Variants in AATK observed in about 807,000 individuals in gnomAD.
AATK encodes lemur tail kinase 1.
In AATK, 91 loss-of-function variants were observed where a neutral mutation model predicts 114.3. The observed-to-expected ratio is 0.80, with a 90% CI of 0.67 to 0.95. The LOEUF (loss-of-function observed/expected upper bound fraction) is 0.95. Ranked by LOEUF, AATK falls within the 40% of genes least tolerant of loss-of-function variation. AATK has a pLI of 0.00. For missense variants in AATK, 2,176 were observed against 1,965.2 expected (o/e 1.11, Z -2.03); for synonymous variants, 1,075 against 916.5 (o/e 1.17, Z -3.12).
chr17:81,120,388 G>A lies in AATK; in HGVS notation c.3548C>T (p.Pro1183Leu). 6.2e-7 allele frequency: 1 copy of A among 1,607,408 alleles called. No homozygotes were observed. The highest frequency in any genetic ancestry group is 8.5e-7 in the Non-Finnish European group (1 of 1,177,444). ...EELRCYSVQE[P>L]SEDSEEEAPA... ...CGCCTCCTCTTCGCTGTCCTCGCTA[G>A]GCTCCTGGACGCTGTAGCAGCGGAG... is the stretch of plus-strand genomic sequence containing the variant. Residue 1183 changes from proline to leucine, a missense_variant, in exon 11 of 14, where the codon CCT (proline) becomes CTT (leucine). By Grantham distance (98) the Pro-to-Leu change is moderately conservative. Around this residue, in one of 4 missense-constraint regions of AATK, gnomAD observed 1,701 missense variants for 1,394.7 expected, o/e 1.22. Coordinates refer to ENST00000326724, the MANE Select transcript of AATK (RefSeq NM_001080395.3).
Position 81,126,215 on chromosome 17 carries a change from G to A in AATK, c.755+212C>T, listed in dbSNP as rs544593889. ...CCAGCTTGACAGTACGCATCTCTTCGTCTAAACCTGCAAAGTGGGTGTCAA... is the reference window on the plus strand; with the variant it reads ...CCAGCTTGACAGTACGCATCTCTTCATCTAAACCTGCAAAGTGGGTGTCAA... On this transcript the variant is annotated intron_variant, in intron 7 of 13. Transcript: ENST00000326724. The surrounding 1 kb of genome is among the most constrained non-coding windows in gnomAD (Gnocchi z 5.1). Among the ~76,000 whole-genome samples the A allele has an allele frequency of 1.8e-3, 268 of 152,280 alleles. 1 individual carries two copies. Among genetic ancestry groups the A allele is most frequent in the Non-Finnish European group, 3.0e-3 (204 of 68,014 alleles).
intron 1 of AATK, among the ~76,000 whole-genome samples, chr17:81,150,856 G>A (rs907585331): frequency 2.0e-5 from 3 of 152,184 alleles, no homozygotes; most frequent in African/African-American, 7.2e-5. Flanking sequence ...ACAGGATCCC[G>A]TGCAGGAAGG....
At position 81,122,262 on chromosome 17, in the gene AATK, C is replaced by G. The variant is rs761155830; in HGVS notation, c.1674G>C (p.Ala558=). The change falls in exon 11 of 14, where the codon GCG becomes GCC. Residue 558 remains alanine (A), a synonymous_variant. Coordinates refer to ENST00000326724, the MANE Select transcript of AATK (RefSeq NM_001080395.3). ...TGCCGTCAGAGTCGTCGTCCTGGTC[C>G]GCGGTGGCAGGTGGACTGGGGGCGC... ...AGCAPSPPAT[A]DQDDDSDGST... is the part of the protein sequence containing the mutation. 4.3e-5 allele frequency: 64 copies of G among 1,493,602 alleles called. No individual in the cohort carries two copies. Among genetic ancestry groups the G allele is most frequent in the Admixed American group, 2.3e-5 (1 of 43,478 alleles). 92.5% of individuals were successfully genotyped at this position (1,493,602 alleles called of 1,614,324 possible). A position where few individuals can be genotyped will look rare whatever the true frequency, so the allele number is the denominator to read the frequency against.
intron 6 of AATK, among the ~76,000 whole-genome samples, chr17:81,127,376 G>C (rs1488304368): frequency 6.6e-6 from 1 of 152,082 alleles, no homozygotes; most frequent in Non-Finnish European, 1.5e-5. Context: ...GCCCAGGCCT[G>C]TTCTGTGCCC....
At position 81,118,413 on chromosome 17, in the gene AATK, T is replaced by G. The variant is rs745397376; in HGVS notation, c.4114A>C (p.Lys1372Gln). The G allele has an allele frequency of 2.5e-6, 4 of 1,608,604 alleles. No homozygotes were observed. In the South Asian group the frequency reaches 3.3e-5, roughly 13 times the overall value. Residue 1372 changes from lysine to glutamine, a missense_variant, in exon 14 of 14, where the codon AAA becomes CAA. Coordinates refer to ENST00000326724, the MANE Select transcript of AATK (RefSeq NM_001080395.3). ...GAGCTGCCCAGGTCTCAAGCCTCTT[T>G]ACTCTCACCCCCGGCACCAGCTTCA... ...GPEAGAGGESKEA is the reference protein window; with the variant it reads ...GPEAGAGGESQEA
intron 1 of AATK, among the ~76,000 whole-genome samples, chr17:81,156,280 GTTACAAT>G (rs1216658856): frequency 1.3e-5 from 2 of 150,956 alleles, no homozygotes; most frequent in African/African-American, 2.5e-5. Context: ...ATGTTACTAT[GTTACAAT>G]GTATGTTACT....
At position 81,118,231 on chromosome 17, in the gene AATK, A is replaced by G. The variant is rs1296876009; in HGVS notation, c.*171T>C. ...GCGGAGCATGGCCGATCTACCATCCAGGGCCTCTCATCCCACGGGCTTCTC... is the reference window on the plus strand; with the variant it reads ...GCGGAGCATGGCCGATCTACCATCCGGGGCCTCTCATCCCACGGGCTTCTC... On this transcript the variant is annotated 3_prime_UTR_variant, in exon 14 of 14. Transcript: ENST00000326724. 6.3e-6 allele frequency: 4 copies of G among 639,902 alleles called. No homozygotes were observed. In the South Asian group the frequency reaches 7.8e-5, roughly 13 times the overall value. The allele number at this position is 639,902 out of a possible 1,614,324, so 39.6% of individuals were successfully genotyped here. A position where few individuals can be genotyped will look rare whatever the true frequency, so the allele number is the denominator to read the frequency against.
intron 3 of AATK, 45 bp from the exon 4 acceptor site, chr17:81,128,594 C>T (rs145168854): frequency 0.015 from 23,893 of 1,544,388 alleles, 276 homozygotes; most frequent in South Asian, 0.04. Context: ...GGCCTCCGCA[C>T]CCCCCAGCTT....
At position 81,121,941 on chromosome 17, in the gene AATK, C is replaced by G; in HGVS notation, c.1995G>C (p.Glu665Asp). 1 of 1,600,612 alleles carries G rather than the reference C, an allele frequency of 6.2e-7. No individual in the cohort carries two copies. Among genetic ancestry groups the G allele is most frequent in the Non-Finnish European group, 8.5e-7 (1 of 1,177,832 alleles). ...GGGCGGCCCTCCGCGCTCCCACCTC[C>G]TCTAGCTCATCCTCGCCAGTCAGCG... ...PLPLTGEDEL[E>D]EVGARRAAQR... The change falls in exon 11 of 14, where the codon GAG becomes GAC. Residue 665 changes from glutamate to aspartate, a missense_variant. This residue lies in a region of AATK where 1,701 missense variants were observed against 1,394.7 expected (regional missense o/e 1.22). Transcript: ENST00000326724.
chr17:81,161,430 A>G (rs1445006274), intron 1 of AATK, among the ~76,000 whole-genome samples: 1 of 152,174 alleles, frequency 6.6e-6, no homozygotes, highest in Non-Finnish European at 1.5e-5. Flanking sequence ...ACTTGATTAC[A>G]GCTGCAAAGA....
chr17:81,150,608 G>A (rs1277253829), intron 1 of AATK, among the ~76,000 whole-genome samples: 1 of 152,070 alleles, frequency 6.6e-6, no homozygotes, highest in Non-Finnish European at 1.5e-5. Flanking sequence ...ACCCTCCACT[G>A]CTCACACCAT....
intron 1 of AATK, among the ~76,000 whole-genome samples, chr17:81,159,533 C>T (rs2061406308): frequency 6.6e-6 from 1 of 152,168 alleles, no homozygotes; most frequent in Admixed American, 6.5e-5. Flanking sequence ...GGAAATTCCA[C>T]GTGGGCCTCA....
In AATK at chr17:81,122,277, A is replaced by G; in HGVS notation, c.1659T>C (p.Ser553=). 6.7e-7 allele frequency: 1 copy of G among 1,498,584 alleles called. No individual in the cohort carries two copies. Among genetic ancestry groups the G allele is most frequent in the Non-Finnish European group, 8.8e-7 (1 of 1,130,694 alleles). The allele number at this position is 1,498,584 out of a possible 1,614,324, so 92.8% of individuals were successfully genotyped here. Residue 553 remains serine (S), a synonymous_variant, in exon 11 of 14, where the codon AGT becomes AGC. Transcript: ENST00000326724. The part of the protein sequence containing the change: ...HDPDCAGCAP[S]PPATADQDDD... The stretch of plus-strand genomic sequence containing the variant: ...CGTCCTGGTCCGCGGTGGCAGGTGG[A>G]CTGGGGGCGCAGCCGGCGCAGTCAG...
At chr17:81,131,230 G>A (rs747283472) in intron 2 of AATK, 25 bp from the exon 3 acceptor site, 64 of 1,553,226 alleles carry the variant, frequency 4.1e-5, no homozygotes, top group African/African-American at 8.1e-5. Context: ...GGGCATGAGC[G>A]GGGCTTCTCG....
rs1025308950 is a variant in AATK at position 81,166,122 on chromosome 17, C to A, written c.-130G>T. The A allele has an allele frequency of 1.2e-5, 5 of 417,252 alleles. No individual in the cohort carries two copies. The highest frequency in any genetic ancestry group is 1.9e-4 in the South Asian group (2 of 10,712). The allele number at this position is 417,252 out of a possible 1,614,324, so 25.8% of individuals were successfully genotyped here. On this transcript the variant is annotated 5_prime_UTR_variant, in exon 1 of 14. Coordinates refer to ENST00000326724, the MANE Select transcript of AATK (RefSeq NM_001080395.3). ...AGCGCGCCGGCCCCCGCGCCCCGCG[C>A]CCCCCGCCGCAGCCGCAGAGCCCGC...
chr17:81,151,593 A>C (rs2061299917), intron 1 of AATK, among the ~76,000 whole-genome samples: 1 of 152,048 alleles, frequency 6.6e-6, no homozygotes, highest in South Asian at 2.1e-4. Flanking sequence ...GCTGTGTCCA[A>C]AGGACACCCT....
chr17:81,130,069 G>A (rs774407622), intron 3 of AATK, among the ~76,000 whole-genome samples: 3 of 152,202 alleles, frequency 2.0e-5, no homozygotes, highest in Non-Finnish European at 4.4e-5. Flanking sequence ...GCCCAGCCAG[G>A]CACAGTTCAT....
chr17:81,160,855 A>T (rs568388057), intron 1 of AATK, among the ~76,000 whole-genome samples: 1 of 152,182 alleles, frequency 6.6e-6, no homozygotes, highest in Non-Finnish European at 1.5e-5. Context: ...GCGTGGTCCC[A>T]GGCTCACCGC....
intron 1 of AATK, among the ~76,000 whole-genome samples, chr17:81,135,359 C>T (rs1033312621): frequency 9.2e-5 from 14 of 152,120 alleles, no homozygotes; most frequent in Admixed American, 6.5e-5. Context: ...CACACTGACC[C>T]GCTGGCTCTA....
Sources: allele counts gnomAD v4.1 joint callset (sites outside exome capture counted in the v4.1 genomes callset), GRCh38; gene constraint gnomAD v4.1.1; regional missense constraint gnomAD v4.1.1; non-coding constraint Gnocchi (gnomAD v3.1); transcripts MANE v1.5; gene names NCBI Gene and HGNC (gene_info 2026-07-23, HGNC 2026-07-21).